DBF4: variants seen among roughly 807,000 people sequenced by gnomAD.
DBF4 encodes the protein DBF4-CDC7 kinase regulatory subunit, also known as protein DBF4 homolog A.
A neutral mutation model predicts 76.6 loss-of-function variants in DBF4; 25 were observed. The observed-to-expected ratio is 0.33, with a 90% CI of 0.24 to 0.46. The LOEUF (loss-of-function observed/expected upper bound fraction) is 0.46. Ranked by LOEUF, DBF4 falls within the 20% of genes least tolerant of loss-of-function variation. DBF4 has a pLI of 1.00. For synonymous variants in DBF4, 213 were observed against 258.0 expected (o/e 0.83, Z 1.67); for missense variants, 638 against 760.8 (o/e 0.84, Z 1.90).
chr7:87,900,641 G>C, intron 9 of DBF4, 123 bp from the exon 10 acceptor site: 1 of 787,146 alleles, frequency 1.3e-6, no homozygotes, highest in Non-Finnish European at 2.0e-6. Context: ...ATGATTAAAA[G>C]TACTTGCTGA....
In DBF4 at chr7:87,908,098, A is replaced by G. The variant is rs527402949; in HGVS notation, c.1960A>G (p.Asn654Asp). ...TGTTTTAGATATTTGGGAAGAGGAA[A>G]ATTCAGATAATCTGTTAACAGCGTT... ...CNVLDIWEEE[N>D]SDNLLTAFFS... The change falls in exon 12 of 12, where the codon AAT (asparagine) becomes GAT (aspartate). Residue 654 changes from asparagine to aspartate, a missense_variant. Transcript: ENST00000265728. 9.9e-6 allele frequency: 16 copies of G among 1,610,282 alleles called. No individual in the cohort carries two copies. In the East Asian group the frequency reaches 3.6e-4, roughly 36 times the overall value.
intron 2 of DBF4, among the ~76,000 whole-genome samples, chr7:87,883,040 A>G (rs1033132393): frequency 7.2e-5 from 11 of 152,326 alleles, no homozygotes; most frequent in African/African-American, 2.2e-4. Flanking sequence ...TTAATGTCCA[A>G]CAAGTAAATA....
intron 11 of DBF4, among the ~76,000 whole-genome samples, chr7:87,905,209 G>A (rs533324259): frequency 6.6e-6 from 1 of 152,322 alleles, no homozygotes; most frequent in South Asian, 2.1e-4. Context: ...TTTGTGAGCC[G>A]TAAGATCTCT....
intron 2 of DBF4, among the ~76,000 whole-genome samples, chr7:87,881,948 AGTTT>A (rs555344237): frequency 1.7e-3 from 262 of 152,366 alleles, no homozygotes; most frequent in Non-Finnish European, 2.6e-3. Flanking sequence ...ATGTCAATGC[AGTTT>A]GTTTGTACAA....
chr7:87,899,363 A>G (rs1348162833), intron 8 of DBF4, among the ~76,000 whole-genome samples: 1 of 152,208 alleles, frequency 6.6e-6, no homozygotes. Context: ...TGAACAAGTC[A>G]TATATCTAAT....
At chr7:87,879,636 T>A (rs1173157007) in intron 2 of DBF4, among the ~76,000 whole-genome samples, 1 of 152,128 alleles carries the variant, frequency 6.6e-6, no homozygotes, top group African/African-American at 2.4e-5. Flanking sequence ...ACCTGCACCA[T>A]TCTGTTCCTC....
intron 2 of DBF4, among the ~76,000 whole-genome samples, chr7:87,883,108 T>G (rs1839256943): frequency 6.6e-6 from 1 of 152,104 alleles, no homozygotes; most frequent in South Asian, 2.1e-4. Context: ...TAAAAAGGAA[T>G]GAAATTCTAA....
chr7:87,897,265 G>A lies in DBF4; in HGVS notation c.635-29G>A, dbSNP rs199837452. The A allele has an allele frequency of 1.1e-4, 165 of 1,563,058 alleles. 1 individual carries two copies. The South Asian group carries it at 1.4e-3, about 14-fold the overall frequency. ...AAAAAAAAGAATCCTGAATTTGCAA[G>A]TATCTAATATGTTTTCTATGTTCTC... is the stretch of plus-strand genomic sequence containing the variant. On this transcript the variant is annotated intron_variant, in intron 7 of 11. Coordinates refer to ENST00000265728, the MANE Select transcript of DBF4 (RefSeq NM_006716.4).
intron 2 of DBF4, among the ~76,000 whole-genome samples, chr7:87,880,416 C>T (rs1461260770): frequency 1.3e-5 from 2 of 152,164 alleles, no homozygotes; most frequent in Non-Finnish European, 2.9e-5. Context: ...AAATCCAAAG[C>T]TGTGGATTTT....
At chr7:87,877,447 T>G (rs1839095741) in intron 1 of DBF4, among the ~76,000 whole-genome samples, 1 of 152,248 alleles carries the variant, frequency 6.6e-6, no homozygotes, top group Non-Finnish European at 1.5e-5. Context: ...AAATTAATTT[T>G]TAAAGCAGTT....
Position 87,889,984 on chromosome 7 carries a change from G to T in DBF4, c.597+1925G>T, listed in dbSNP as rs1457514372. Among the ~76,000 whole-genome samples, 4 of 152,330 alleles carry T rather than the reference G, an allele frequency of 2.6e-5. No individual in the cohort carries two copies. In the East Asian group the frequency reaches 7.7e-4, roughly 29 times the overall value. ...TAAATTGCCTCTACCACACTTAGCA[G>T]ATTGTTTGGATTGTATATAGAAGTA... On this transcript the variant is annotated intron_variant, in intron 6 of 11. Coordinates refer to ENST00000265728, the MANE Select transcript of DBF4 (RefSeq NM_006716.4).
At chr7:87,900,556 T>C (rs1312690020) in intron 9 of DBF4, among the ~76,000 whole-genome samples, 1 of 152,016 alleles carries the variant, frequency 6.6e-6, no homozygotes, top group Non-Finnish European at 1.5e-5. Flanking sequence ...GTGTAGTTTA[T>C]CTTGAATGAT....
chr7:87,889,157 T>TA (rs1396041124), intron 6 of DBF4, among the ~76,000 whole-genome samples: 2 of 152,190 alleles, frequency 1.3e-5, no homozygotes, highest in Non-Finnish European at 2.9e-5. Flanking sequence ...TTTGGAAAAT[T>TA]ATGGAAAGAT....
chr7:87,876,660 G>T lies in DBF4; in HGVS notation c.-73G>T. The stretch of plus-strand genomic sequence containing the variant: ...GCGGCCGTCCTGTCAACAGGCCGGG[G>T]GAAGCCGTGCTTTCGCGGCTGCCCG... On this transcript the variant is annotated 5_prime_UTR_variant, in exon 1 of 12. Transcript: ENST00000265728. The T allele has an allele frequency of 6.4e-7, 1 of 1,561,528 alleles. No individual in the cohort carries two copies. Among genetic ancestry groups the T allele is most frequent in the Non-Finnish European group, 8.8e-7 (1 of 1,140,804 alleles).
At position 87,886,833 on chromosome 7, in the gene DBF4, T is replaced by G. The variant is rs1839367675; in HGVS notation, c.400-11T>G. ...AGCACTATGTTTTAAATTTTTCTGG[T>G]CTTTTTATAGGTGTGTTTAAGCAGA... On this transcript the variant is annotated splice_polypyrimidine_tract_variant and intron_variant, in intron 3 of 11. Coordinates refer to ENST00000265728, the MANE Select transcript of DBF4 (RefSeq NM_006716.4). 6.5e-7 allele frequency: 1 copy of G among 1,527,404 alleles called. No homozygotes were observed. Among genetic ancestry groups the G allele is most frequent in the Non-Finnish European group, 9.0e-7 (1 of 1,110,612 alleles). The allele number at this position is 1,527,404 out of a possible 1,614,324, so 94.6% of individuals were successfully genotyped here. A position where few individuals can be genotyped will look rare whatever the true frequency, so the allele number is the denominator to read the frequency against.
In DBF4 at chr7:87,904,404, C is replaced by G. The variant is rs7812024; in HGVS notation, c.1037C>G (p.Pro346Arg). 1 of 1,610,996 alleles carries G rather than the reference C, an allele frequency of 6.2e-7. No individual in the cohort carries two copies. Among genetic ancestry groups the G allele is most frequent in the Non-Finnish European group, 8.5e-7 (1 of 1,178,942 alleles). ...TTTGTGGAATATGAAAAGGACACAC[C>G]TAAAAAGAAAAGGTAATTAGTTTTA... is the stretch of plus-strand genomic sequence containing the variant. ...FDFVEYEKDT[P>R]KKKRIKYSVG... is the part of the protein sequence containing the mutation. The change falls in exon 11 of 12, where the codon CCT becomes CGT. Residue 346 changes from proline to arginine, a missense_variant. Transcript: ENST00000265728.
chr7:87,882,798 A>C (rs1839249912), intron 2 of DBF4, among the ~76,000 whole-genome samples: 1 of 152,208 alleles, frequency 6.6e-6, no homozygotes, highest in Non-Finnish European at 1.5e-5. Context: ...TTAACCAGAA[A>C]AATAACAAGT....
In DBF4 at chr7:87,908,252, T is replaced by A. The variant is rs879180983; in HGVS notation, c.*89T>A. 4.6e-6 allele frequency: 6 copies of A among 1,304,560 alleles called. No homozygotes were observed. In the South Asian group the frequency reaches 1.1e-4, roughly 23 times the overall value. 80.8% of individuals were successfully genotyped at this position (1,304,560 alleles called of 1,614,324 possible). On this transcript the variant is annotated 3_prime_UTR_variant, in exon 12 of 12. Transcript: ENST00000265728. ...TGTATGGAAATTCTTAGGATTTTTT[T>A]ACCAGCTTTGTTTACAGACCCAAAT... is the stretch of plus-strand genomic sequence containing the variant.
Position 87,878,078 on chromosome 7 carries a change from A to C in DBF4, c.72A>C (p.Lys24Asn). 6.2e-7 allele frequency: 1 copy of C among 1,606,146 alleles called. No individual in the cohort carries two copies. The highest frequency in any genetic ancestry group is 8.5e-7 in the Non-Finnish European group (1 of 1,178,154). The change falls in exon 2 of 12, where the codon AAA becomes AAC. Residue 24 changes from lysine (K) to asparagine (N), a missense_variant. Lys to Asn is a moderately conservative substitution (Grantham distance 94, BLOSUM62 0). Coordinates refer to ENST00000265728, the MANE Select transcript of DBF4 (RefSeq NM_006716.4). ...FQGGIQVKNE[K>N]NRPSLKSLKT... ...GTGGAATCCAAGTCAAAAATGAAAA[A>C]AACAGACCATCTCTGAAATCTCTGA...
Sources: gnomAD v4.1 joint callset for allele counts (sites outside exome capture counted in the v4.1 genomes callset) on GRCh38, gnomAD v4.1.1 for gene constraint, MANE v1.5 for transcripts, NCBI Gene and HGNC (gene_info 2026-07-23, HGNC 2026-07-21) for gene names.